Variants in PRKAR2A observed in about 807,000 individuals in gnomAD.
PRKAR2A encodes the protein cAMP-dependent protein kinase type II-alpha regulatory subunit.
In PRKAR2A, 29 loss-of-function variants were observed where a neutral mutation model predicts 51.9. That is an observed-to-expected ratio of 0.56 (90% CI 0.42 to 0.76). PRKAR2A has a LOEUF of 0.76. Ranked by LOEUF, PRKAR2A falls within the 30% of genes least tolerant of loss-of-function variation. The probability of loss-of-function intolerance (pLI) is 0.00; values close to 1 mark genes in which losing one functional copy is unlikely to be tolerated. For synonymous variants in PRKAR2A, 178 were observed against 186.2 expected, an observed-to-expected ratio of 0.96 and a Z score of 0.36; for missense variants, 445 against 512.1, an observed-to-expected ratio of 0.87 and a Z score of 1.26.
chr3:48,825,233 C>A (rs1008795937), intron 1 of PRKAR2A, among the ~76,000 whole-genome samples: 2 of 151,828 alleles, frequency 1.3e-5, no homozygotes, highest in African/African-American at 2.4e-5. Flanking sequence ...TCAGGCTGGT[C>A]TCAAACTCCC....
chr3:48,813,467 G>C (rs987947073), intron 1 of PRKAR2A, among the ~76,000 whole-genome samples: 2 of 151,986 alleles, frequency 1.3e-5, no homozygotes, highest in Non-Finnish European at 2.9e-5. Flanking sequence ...AGGCCGAGGC[G>C]GCGGATCACG....
At chr3:48,809,248 G>A (rs1299417944) in intron 1 of PRKAR2A, among the ~76,000 whole-genome samples, 1 of 152,068 alleles carries the variant, frequency 6.6e-6, no homozygotes, top group African/African-American at 2.4e-5. Flanking sequence ...TTAGATGTGT[G>A]GCTTATGAAC....
At position 48,786,277 on chromosome 3, in the gene PRKAR2A, A is replaced by G. The variant is rs1458825682; in HGVS notation, c.436-3185T>C. ...GTAGCTGAGATTACAGGTGTGTGCC[A>G]CCATGCCCAGCTAATTTTTGTATTT... On this transcript the variant is annotated intron_variant, in intron 4 of 10. Coordinates refer to ENST00000265563, the MANE Select transcript of PRKAR2A (RefSeq NM_004157.4). 2.0e-5 allele frequency among the ~76,000 whole-genome samples: 3 copies of G among 150,690 alleles called. 1 individual carries two copies.
intron 2 of PRKAR2A, among the ~76,000 whole-genome samples, chr3:48,795,264 C>T (rs1575891207): frequency 2.0e-5 from 3 of 151,948 alleles, no homozygotes; most frequent in Admixed American, 6.6e-5. Context: ...TGAGCCACCG[C>T]GACTAGCCTG....
In PRKAR2A at chr3:48,750,718, G is replaced by A. The variant is rs573244965; in HGVS notation, c.*867C>T. 1 of 152,854 alleles carries A rather than the reference G, an allele frequency of 6.5e-6. No individual in the cohort carries two copies. Among genetic ancestry groups the A allele is most frequent in the South Asian group, 2.1e-4 (1 of 4,820 alleles). 9.5% of individuals were successfully genotyped at this position (152,854 alleles called of 1,614,324 possible). A position where few individuals can be genotyped will look rare whatever the true frequency, so the allele number is the denominator to read the frequency against. On this transcript the variant is annotated 3_prime_UTR_variant, in exon 11 of 11. Coordinates refer to ENST00000265563, the MANE Select transcript of PRKAR2A (RefSeq NM_004157.4). ...GGAAGGTATTTGGGCTGGACAAAGT[G>A]ATAGCAACCCTCCAGACCCTGGCTC...
intron 1 of PRKAR2A, among the ~76,000 whole-genome samples, chr3:48,819,641 TC>T (rs1413504951): frequency 2.0e-5 from 3 of 152,116 alleles, no homozygotes; most frequent in Non-Finnish European, 2.9e-5. Context: ...TTTATTAGAA[TC>T]CCCCCAGCTT....
chr3:48,799,703 G>A (rs1234083107), intron 2 of PRKAR2A, among the ~76,000 whole-genome samples: 1 of 152,182 alleles, frequency 6.6e-6, no homozygotes, highest in Non-Finnish European at 1.5e-5. Flanking sequence ...GTTCTCAGTG[G>A]ACTGTTCTGC....
chr3:48,794,174 A>T, intron 2 of PRKAR2A, 125 bp from the exon 3 acceptor site: 1 of 724,100 alleles, frequency 1.4e-6, no homozygotes. Context: ...TTTTTGAGAC[A>T]GAGTTTTGCT....
intron 2 of PRKAR2A, among the ~76,000 whole-genome samples, chr3:48,795,812 G>C (rs144603316): frequency 6.6e-6 from 1 of 152,192 alleles, no homozygotes; most frequent in Non-Finnish European, 1.5e-5. Context: ...TGGGATTACA[G>C]GCATGTGCCA....
chr3:48,773,239 CAT>C, intron 5 of PRKAR2A, 131 bp from the exon 6 acceptor site: 2 of 680,366 alleles, frequency 2.9e-6, no homozygotes, highest in Non-Finnish European at 4.5e-6. Flanking sequence ...ATAAAAAAAA[CAT>C]ATTTTTGTAT....
At chr3:48,830,294 A>G (rs1416258531) in intron 1 of PRKAR2A, among the ~76,000 whole-genome samples, 1 of 152,062 alleles carries the variant, frequency 6.6e-6, no homozygotes, top group Non-Finnish European at 1.5e-5. Flanking sequence ...GGTCTGGATC[A>G]TCAATATCAC....
At chr3:48,829,955 T>G (rs1227689706) in intron 1 of PRKAR2A, among the ~76,000 whole-genome samples, 1 of 147,382 alleles carries the variant, frequency 6.8e-6, no homozygotes, top group Non-Finnish European at 1.5e-5. Context: ...CCCAGCATTT[T>G]GGGAGGTTGA....
At chr3:48,766,731 A>C (rs1015084478) in intron 6 of PRKAR2A, among the ~76,000 whole-genome samples, 9 of 152,182 alleles carry the variant, frequency 5.9e-5, no homozygotes, top group Non-Finnish European at 1.3e-4. Flanking sequence ...TGCAGCAAAA[A>C]TGTCTAGGAC....
chr3:48,801,701 G>T, intron 2 of PRKAR2A, among the ~76,000 whole-genome samples: 1 of 152,118 alleles, frequency 6.6e-6, no homozygotes, highest in East Asian at 1.9e-4. Context: ...GGGTTCAAGC[G>T]ATTCTCCTGC....
chr3:48,786,345 G>C (rs2082292720), intron 4 of PRKAR2A, among the ~76,000 whole-genome samples: 1 of 150,308 alleles, frequency 6.7e-6, no homozygotes, highest in South Asian at 2.1e-4. Flanking sequence ...GGCTGGTCCC[G>C]TACTCCTGAC....
chr3:48,814,720 A>G (rs2107382571), intron 1 of PRKAR2A, among the ~76,000 whole-genome samples: 1 of 152,310 alleles, frequency 6.6e-6, no homozygotes, highest in South Asian at 2.1e-4. Context: ...AGAGGAGTTC[A>G]GAGTTTATTC....
intron 9 of PRKAR2A, among the ~76,000 whole-genome samples, chr3:48,754,609 C>T (rs2081728188): frequency 6.6e-6 from 1 of 151,768 alleles, no homozygotes; most frequent in Admixed American, 6.6e-5. Context: ...CCTGTCCCTA[C>T]TAAAAGTACA....
At position 48,779,690 on chromosome 3, in the gene PRKAR2A, G is replaced by T. The variant is rs1185823902; in HGVS notation, c.542+3296C>A. On this transcript the variant is annotated intron_variant, in intron 5 of 10. Coordinates refer to ENST00000265563, the MANE Select transcript of PRKAR2A (RefSeq NM_004157.4). ...AGCTACTCAGGAGGCTATGGCAGGAGAATCGCTTGAACCCGGGAGGCGGAG... is the reference window on the plus strand; with the variant it reads ...AGCTACTCAGGAGGCTATGGCAGGATAATCGCTTGAACCCGGGAGGCGGAG... 2.0e-5 allele frequency among the ~76,000 whole-genome samples: 3 copies of T among 151,346 alleles called. No homozygotes were observed. In the Admixed American group the frequency reaches 2.0e-4, roughly 10 times the overall value.
intron 2 of PRKAR2A, among the ~76,000 whole-genome samples, chr3:48,805,837 A>G (rs558851051): frequency 2.6e-5 from 4 of 152,338 alleles, no homozygotes; most frequent in African/African-American, 9.6e-5. Context: ...TCCTAAGATT[A>G]TAAAATCTAA....
Sources: allele counts gnomAD v4.1 joint callset (sites outside exome capture counted in the v4.1 genomes callset), GRCh38; gene constraint gnomAD v4.1.1; transcripts MANE v1.5; gene names NCBI Gene and HGNC (gene_info 2026-07-23, HGNC 2026-07-21).